The following XYLB variants were observed in gnomAD, a reference collection of about 807,000 sequenced individuals.
The protein encoded by XYLB is xylulokinase, also known as xylulose kinase.
Under a neutral mutation model 78.7 loss-of-function variants are expected in XYLB, and 62 were observed. The ratio of observed to expected loss-of-function variants is 0.79; its 90% CI spans 0.64 to 0.97. The LOEUF (loss-of-function observed/expected upper bound fraction) is 0.97, where lower values mean the gene tolerates loss of function less well. Ranked by LOEUF, XYLB falls within the 50% of genes least tolerant of loss-of-function variation. The pLI is 0.00. For missense variants in XYLB, 687 were observed against 676.8 expected (o/e 1.02, Z -0.17); for synonymous variants, 245 against 247.4 (o/e 0.99, Z 0.09).
chr3:38,425,868 T>C (rs566006832), downstream of XYLB, among the ~76,000 whole-genome samples: 1 of 152,316 alleles, frequency 6.6e-6, no homozygotes, highest in South Asian at 2.1e-4. Flanking sequence ...TCCCTAATCA[T>C]CATGGGACTT....
In XYLB at chr3:38,364,809, G is replaced by A. The variant is rs575507586; in HGVS notation, c.292-390G>A. 7.0e-4 allele frequency among the ~76,000 whole-genome samples: 107 copies of A among 152,214 alleles called. 1 individual carries two copies. Among genetic ancestry groups the A allele is most frequent in the Non-Finnish European group, 9.3e-4 (63 of 68,032 alleles). On this transcript the variant is annotated intron_variant, in intron 4 of 18. Coordinates refer to ENST00000207870, the MANE Select transcript of XYLB (RefSeq NM_005108.4). Reference sequence around the variant, plus strand: ...GATGAAAGTATCCTATTCATCTGTCGCAAGCCTGGCATGATCTATGTGCTT... The same window carrying A: ...GATGAAAGTATCCTATTCATCTGTCACAAGCCTGGCATGATCTATGTGCTT...
chr3:38,444,164 G>C, the XYLB span, among the ~76,000 whole-genome samples: 1 of 152,142 alleles, frequency 6.6e-6, no homozygotes, highest in Admixed American at 6.5e-5. Flanking sequence ...AGACCCTGTA[G>C]GACATCTATA....
At position 38,374,490 on chromosome 3, in the gene XYLB, A is replaced by G. The variant is rs933619033; in HGVS notation, c.876A>G (p.Glu292=). ...CGCTGGCAGGCATGAGACTGGAGGA[A>G]GGTGACATTGCGGTAAGGCGACTTC... ...PASLAGMRLE[E]GDIAVSLGTS... Residue 292 remains glutamate, a synonymous_variant, in exon 11 of 19, where the codon GAA becomes GAG. Transcript: ENST00000207870. 1 of 1,613,476 alleles carries G rather than the reference A, an allele frequency of 6.2e-7. No individual in the cohort carries two copies.
chr3:38,384,473 C>G (rs115644521), intron 15 of XYLB, among the ~76,000 whole-genome samples: 2,083 of 152,318 alleles, frequency 0.014, 39 homozygotes, highest in African/African-American at 0.046. Context: ...ACTGTCTTCA[C>G]GGCCAGCGAT....
At chr3:38,362,538 C>T (rs1254834863) in intron 3 of XYLB, among the ~76,000 whole-genome samples, 4 of 152,062 alleles carry the variant, frequency 2.6e-5, no homozygotes, top group Non-Finnish European at 5.9e-5. Context: ...GGCATGCACC[C>T]GTAGTTCCAG....
chr3:38,417,980 T>C (rs898365564), downstream of XYLB, among the ~76,000 whole-genome samples: 13 of 150,670 alleles, frequency 8.6e-5, no homozygotes, highest in Non-Finnish European at 1.8e-4. Context: ...TCACCTGAGG[T>C]CAGGAGTTCA....
chr3:38,436,054 T>A, the XYLB span, among the ~76,000 whole-genome samples: 1 of 151,778 alleles, frequency 6.6e-6, no homozygotes, highest in Admixed American at 6.6e-5. Context: ...AAACTCCAAA[T>A]TAGCAGAAAA....
chr3:38,408,715 G>T (rs369940302), intron 18 of XYLB, among the ~76,000 whole-genome samples: 9,780 of 146,726 alleles, frequency 0.067, 480 homozygotes, highest in East Asian at 0.19. Context: ...TCACCACCGA[G>T]CCCACAGAAA....
chr3:38,348,617 A>C lies in XYLB; in HGVS notation c.125A>C (p.Asp42Ala), dbSNP rs757829007. 6 of 1,614,022 alleles carry C rather than the reference A, an allele frequency of 3.7e-6. No individual in the cohort carries two copies. Among genetic ancestry groups the C allele is most frequent in the Non-Finnish European group, 5.1e-6 (6 of 1,180,028 alleles). The change falls in exon 2 of 19, where the codon GAT (aspartate) becomes GCT (alanine). Residue 42 changes from aspartate (D) to alanine (A), a missense_variant. Physicochemically the swap from Asp to Ala is moderately radical, Grantham distance 126. Coordinates refer to ENST00000207870, the MANE Select transcript of XYLB (RefSeq NM_005108.4). The part of the protein sequence containing the change: ...FYEESVHFDR[D>A]LPEFGTQGGV... The stretch of plus-strand genomic sequence containing the variant: ...GAGGAAAGTGTGCATTTTGACAGAG[A>C]TCTTCCAGAATTTGGGTATGTACTT...
At chr3:38,425,287 A>G (rs186719000), downstream of XYLB, among the ~76,000 whole-genome samples, 133 of 152,326 alleles carry the variant, frequency 8.7e-4, no homozygotes, top group African/African-American at 3.1e-3. Context: ...AAAACAGACA[A>G]TGCTCCAGGC....
At chr3:38,446,431 T>C in the XYLB span, among the ~76,000 whole-genome samples, 141 of 152,234 alleles carry the variant, frequency 9.3e-4, 1 homozygote, top group African/African-American at 3.3e-3. Flanking sequence ...CCCCACCCCA[T>C]CCAGAGTCCA....
chr3:38,420,726 C>T (rs72496997), downstream of XYLB, among the ~76,000 whole-genome samples: 5 of 150,824 alleles, frequency 3.3e-5, no homozygotes, highest in Admixed American at 6.6e-5. Flanking sequence ...GAATATCCCC[C>T]TTTTTTTTTG....
Position 38,372,679 on chromosome 3 carries a change from C to T in XYLB, c.790C>T (p.Gln264Ter), listed in dbSNP as rs1706634014. 1 of 1,614,194 alleles carries T rather than the reference C, an allele frequency of 6.2e-7. No homozygotes were observed. Among genetic ancestry groups the T allele is most frequent in the Non-Finnish European group, 8.5e-7 (1 of 1,180,040 alleles). ...VVGAISSYYV[Q>*]RYGFPPGCKV... ...GGGAGCCATTTCTTCCTACTACGTCCAGCGCTACGGATTTCCTCCAGGATG... is the reference window on the plus strand; with the variant it reads ...GGGAGCCATTTCTTCCTACTACGTCTAGCGCTACGGATTTCCTCCAGGATG... The change falls in exon 10 of 19, where the codon CAG becomes TAG. Residue 264 changes from glutamine (Q) to a stop codon, truncating the protein, a stop_gained. Coordinates refer to ENST00000207870, the MANE Select transcript of XYLB (RefSeq NM_005108.4). LOFTEE classifies it high-confidence loss of function.
chr3:38,388,855 C>T (rs186985210), intron 15 of XYLB, among the ~76,000 whole-genome samples: 140 of 152,224 alleles, frequency 9.2e-4, no homozygotes, highest in Non-Finnish European at 1.6e-3. Flanking sequence ...TACAGTGTAC[C>T]TCTTTAATGA....
intron 10 of XYLB, among the ~76,000 whole-genome samples, chr3:38,374,018 T>C (rs574341188): frequency 3.9e-4 from 56 of 141,896 alleles, no homozygotes; most frequent in African/African-American, 1.5e-3. Context: ...ACCCCACCTA[T>C]ATATCTCTTA....
chr3:38,366,108 G>T (rs818837), intron 6 of XYLB, among the ~76,000 whole-genome samples: 5 of 149,270 alleles, frequency 3.3e-5, no homozygotes, highest in Admixed American at 6.6e-5. Flanking sequence ...GCCTGGCAAT[G>T]TTAAAAAAAA....
chr3:38,356,031 C>G, intron 2 of XYLB: 3 of 450,596 alleles, frequency 6.7e-6, no homozygotes, highest in Non-Finnish European at 8.0e-6. Flanking sequence ...GCGGGCACAT[C>G]ACGAGGTCAG....
chr3:38,435,893 G>A, the XYLB span, among the ~76,000 whole-genome samples: 2 of 152,100 alleles, frequency 1.3e-5, no homozygotes, highest in African/African-American at 4.8e-5. Flanking sequence ...AATTCTTTAA[G>A]GAAATGAAAT....
At position 38,379,490 on chromosome 3, in the gene XYLB, G is replaced by C. The variant is rs1025885500; in HGVS notation, c.1291+148G>C. 3 of 736,814 alleles carry C rather than the reference G, an allele frequency of 4.1e-6. No individual in the cohort carries two copies. The Admixed American group carries it at 6.7e-5, about 16-fold the overall frequency. 45.6% of individuals were successfully genotyped at this position (736,814 alleles called of 1,614,324 possible). On this transcript the variant is annotated intron_variant, in intron 15 of 18. Coordinates refer to ENST00000207870, the MANE Select transcript of XYLB (RefSeq NM_005108.4). ...GGAGGTGGAGCCTGACCTCAGGGAT[G>C]GGGTGAGAAAGTGTCAATTGGCACT...
Sources: allele counts gnomAD v4.1 joint callset (sites outside exome capture counted in the v4.1 genomes callset), GRCh38; gene constraint gnomAD v4.1.1; transcripts MANE v1.5; gene names NCBI Gene and HGNC (gene_info 2026-07-23, HGNC 2026-07-21).